The following STRN variants were observed in gnomAD, a reference collection of about 807,000 sequenced individuals.
The protein encoded by STRN is striatin.
Under a neutral mutation model 96.3 loss-of-function variants are expected in STRN, and 53 were observed. The ratio of observed to expected loss-of-function variants is 0.55; its 90% confidence interval spans 0.44 to 0.69. STRN has a LOEUF of 0.69. STRN is among the 30% of genes least tolerant of loss of function. STRN has a pLI of 0.00. For synonymous variants in STRN, 428 were observed against 355.9 expected (o/e 1.20, Z -2.28); for missense variants, 987 against 963.9 (o/e 1.02, Z -0.32).
chr2:36,959,065 G>A (rs940492752), intron 1 of STRN, among the ~76,000 whole-genome samples: 3 of 152,116 alleles, frequency 2.0e-5, no homozygotes, highest in East Asian at 1.9e-4. Context: ...GCAGTGAGCC[G>A]AGATTGTGCC....
intron 1 of STRN, among the ~76,000 whole-genome samples, chr2:36,959,810 T>C (rs1664984224): frequency 6.6e-6 from 1 of 152,192 alleles, no homozygotes; most frequent in African/African-American, 2.4e-5. Context: ...TCTCAATCCT[T>C]GCTGTATACT....
At chr2:36,850,922 G>A in intron 16 of STRN, 78 bp downstream of exon 16, 1 of 1,158,396 alleles carries the variant, frequency 8.6e-7, no homozygotes, top group Non-Finnish European at 1.2e-6. Flanking sequence ...ACCACCAAGA[G>A]ACACCAAAAT....
intron 10 of STRN, among the ~76,000 whole-genome samples, chr2:36,875,003 CAAT>C (rs1303239818): frequency 1.3e-5 from 2 of 152,038 alleles, no homozygotes; most frequent in African/African-American, 4.8e-5. Flanking sequence ...GTGTACAAAA[CAAT>C]AATTTTCTTT....
At chr2:36,869,867 G>A (rs1309900219) in intron 10 of STRN, 138 bp from the exon 11 acceptor site, 7 of 645,836 alleles carry the variant, frequency 1.1e-5, no homozygotes, top group East Asian at 1.0e-4. Context: ...ATTTTTATAT[G>A]TAAATAACCA....
At chr2:36,891,280 G>A (rs1021665359) in intron 7 of STRN, among the ~76,000 whole-genome samples, 16 of 152,020 alleles carry the variant, frequency 1.1e-4, no homozygotes, top group Admixed American at 4.6e-4. Context: ...TAATCCCAGC[G>A]CTTTGGGAGG....
chr2:36,955,245 A>T (rs1222050045), intron 1 of STRN, among the ~76,000 whole-genome samples: 1 of 152,202 alleles, frequency 6.6e-6, no homozygotes, highest in Non-Finnish European at 1.5e-5. Context: ...AGACTAAACC[A>T]ATTCACACAG....
At chr2:36,954,110 T>A (rs558273016) in intron 1 of STRN, among the ~76,000 whole-genome samples, 1 of 152,316 alleles carries the variant, frequency 6.6e-6, no homozygotes, top group Admixed American at 6.5e-5. Flanking sequence ...AAGTGCTTGA[T>A]CTTTGCTATA....
chr2:36,858,001 A>T lies in STRN; in HGVS notation c.1692T>A (p.Pro564=). ...DSYDPSVLRG[P]LLGHTDAVWG... is the part of the protein sequence containing the mutation. ...AGACTGCATCCGTGTGGCCTAGCAG[A>T]GGGCCTCGTAAAACAGAAGGATCTA... Residue 564 remains proline (P), a synonymous_variant, in exon 14 of 18, where the codon CCT becomes CCA. Transcript: ENST00000263918. 1 of 1,606,916 alleles carries T rather than the reference A, an allele frequency of 6.2e-7. No homozygotes were observed. Among genetic ancestry groups the T allele is most frequent in the South Asian group, 1.1e-5 (1 of 90,156 alleles).
At chr2:36,942,452 ATTTAG>A (rs1363908657) in intron 1 of STRN, among the ~76,000 whole-genome samples, 2 of 152,140 alleles carry the variant, frequency 1.3e-5, no homozygotes, top group African/African-American at 4.8e-5. Flanking sequence ...ATAATTGGGT[ATTTAG>A]TTTGTTTGTA....
intron 1 of STRN, among the ~76,000 whole-genome samples, chr2:36,960,151 T>C (rs538525704): frequency 1.3e-5 from 2 of 152,320 alleles, no homozygotes; most frequent in South Asian, 2.1e-4. Context: ...CCAAATAAAA[T>C]GTAGGATTCA....
In STRN at chr2:36,868,180, G is replaced by A. The variant is rs928737118; in HGVS notation, c.1500-319C>T. Among the ~76,000 whole-genome samples, 5 of 152,154 alleles carry A rather than the reference G, an allele frequency of 3.3e-5. No homozygotes were observed. The South Asian group carries it at 1.0e-3, about 31-fold the overall frequency. Reference sequence around the variant, plus strand: ...ATTTCTGAACTCAATTTCCAGTTCTGTCACTAATTGGCTAACTTTAAGCAA... The same window carrying A: ...ATTTCTGAACTCAATTTCCAGTTCTATCACTAATTGGCTAACTTTAAGCAA... On this transcript the variant is annotated intron_variant, in intron 11 of 17. Transcript: ENST00000263918.
intron 1 of STRN, among the ~76,000 whole-genome samples, chr2:36,935,021 T>C (rs990759986): frequency 6.6e-6 from 1 of 152,092 alleles, no homozygotes; most frequent in African/African-American, 2.4e-5. Context: ...GAGGTTGCAG[T>C]GAACTGAGAC....
intron 6 of STRN, among the ~76,000 whole-genome samples, chr2:36,899,260 CT>C (rs1285291566): frequency 6.6e-6 from 1 of 152,180 alleles, no homozygotes; most frequent in Non-Finnish European, 1.5e-5. Flanking sequence ...ACAATATTTA[CT>C]ATATTCATCT....
At chr2:36,862,650 T>C (rs1179225186) in intron 12 of STRN, among the ~76,000 whole-genome samples, 1 of 152,178 alleles carries the variant, frequency 6.6e-6, no homozygotes, top group East Asian at 1.9e-4. Context: ...ATGATGAGCA[T>C]TTTTCATGTC....
At chr2:36,940,353 T>A (rs553668758) in intron 1 of STRN, among the ~76,000 whole-genome samples, 17 of 152,058 alleles carry the variant, frequency 1.1e-4, no homozygotes, top group Non-Finnish European at 2.5e-4. Context: ...AGGAGGTTGA[T>A]AAAGAACCAT....
chr2:36,960,445 G>C (rs1665001472), intron 1 of STRN, among the ~76,000 whole-genome samples: 1 of 152,172 alleles, frequency 6.6e-6, no homozygotes, highest in South Asian at 2.1e-4. Context: ...CCTCAGAAAA[G>C]TTCATGACTG....
At chr2:36,965,223 A>G (rs1411107832) in intron 1 of STRN, among the ~76,000 whole-genome samples, 4 of 152,250 alleles carry the variant, frequency 2.6e-5, no homozygotes, top group Non-Finnish European at 5.9e-5. Context: ...TCATAAGTAT[A>G]CAGGCTTAGC....
chr2:36,966,039 G>A (rs914464971), intron 1 of STRN, among the ~76,000 whole-genome samples, 191 bp downstream of exon 1: 14 of 151,058 alleles, frequency 9.3e-5, no homozygotes, highest in Middle Eastern at 3.2e-3. Context: ...GCGGGAGTGA[G>A]AACAGGGTCG....
Position 36,855,286 on chromosome 2 carries a change from C to G in STRN, c.1904G>C (p.Ser635Thr). ...SDPSHMVASF[S>T]KGYTSIFNME... Reference sequence around the variant, plus strand: ...GTTAAAAATGCTTGTATATCCCTTGCTGAATGATGCTACCATATGGCTCGG... The same window carrying G: ...GTTAAAAATGCTTGTATATCCCTTGGTGAATGATGCTACCATATGGCTCGG... The change falls in exon 15 of 18, where the codon AGC becomes ACC. Residue 635 changes from serine to threonine, a missense_variant. Transcript: ENST00000263918. 6.2e-7 allele frequency: 1 copy of G among 1,613,904 alleles called. No individual in the cohort carries two copies. The highest frequency in any genetic ancestry group is 8.5e-7 in the Non-Finnish European group (1 of 1,179,856).
Sources: gnomAD v4.1 joint callset for allele counts (sites outside exome capture counted in the v4.1 genomes callset) on GRCh38, gnomAD v4.1.1 for gene constraint, MANE v1.5 for transcripts, NCBI Gene and HGNC (gene_info 2026-07-23, HGNC 2026-07-21) for gene names.